Variants in ITPR1 observed in about 807,000 individuals in gnomAD.
ITPR1 encodes the protein inositol 1,4,5-trisphosphate receptor type 1, also known as inositol 1,4,5-trisphosphate-gated calcium channel ITPR1.
ITPR1 carries 96 observed loss-of-function variants against 318.4 expected under a neutral mutation model. The ratio of observed to expected loss-of-function variants is 0.30; its 90% CI spans 0.26 to 0.36. ITPR1 has a LOEUF of 0.36. ITPR1 is among the 10% of genes least tolerant of loss of function. ITPR1 has a pLI of 1.00. For missense variants in ITPR1, 2,440 were observed against 3,460.2 expected, an observed-to-expected ratio of 0.71 and a Z score of 7.40; for synonymous variants, 1,312 against 1,289.9, an observed-to-expected ratio of 1.02 and a Z score of -0.37.
chr3:4,735,647 T>G (rs924433971), intron 44 of ITPR1: 2 of 368,680 alleles, frequency 5.4e-6, no homozygotes, highest in Non-Finnish European at 9.9e-6. Flanking sequence ...CATAAATGTT[T>G]GTTGAATAAG....
At chr3:4,735,531 C>T (rs1431460442) in intron 44 of ITPR1, 177 bp downstream of exon 44, 3 of 580,650 alleles carry the variant, frequency 5.2e-6, no homozygotes, top group Non-Finnish European at 9.2e-6. Flanking sequence ...ATCATTTGGT[C>T]ATAAATCAGA....
Position 4,546,872 on chromosome 3 carries a change from T to C in ITPR1, c.163+25778T>C, listed in dbSNP as rs1007765257. On this transcript the variant is annotated intron_variant, in intron 4 of 61. Coordinates refer to ENST00000649015, the MANE Select transcript of ITPR1 (RefSeq NM_001378452.1). ...TGTGAAGAAGTGTGGGCTCATAAGA[T>C]AGGACCAGGGGAAGAGAGGGGCCAC... Among the ~76,000 whole-genome samples the C allele has an allele frequency of 4.7e-5, 7 of 147,434 alleles. No homozygotes were observed. The Admixed American group carries it at 4.9e-4, about 10-fold the overall frequency.
intron 60 of ITPR1, among the ~76,000 whole-genome samples, chr3:4,824,040 T>C (rs541660224): frequency 1.3e-5 from 2 of 152,270 alleles, no homozygotes; most frequent in Admixed American, 1.3e-4. Context: ...TCCATCTACA[T>C]TTCAGAAGGT....
At chr3:4,738,902 G>A (rs1159006222) in intron 44 of ITPR1, among the ~76,000 whole-genome samples, 1 of 151,838 alleles carries the variant, frequency 6.6e-6, no homozygotes, top group African/African-American at 2.4e-5. Context: ...ATGGAAGGGT[G>A]CGGGTGTGGC....
intron 28 of ITPR1, 67 bp downstream of exon 28, chr3:4,683,865 C>T (rs2094343899): frequency 1.4e-6 from 2 of 1,411,330 alleles, no homozygotes; most frequent in Non-Finnish European, 2.0e-6. Context: ...GGAGCATCCT[C>T]TTCTGGTTTT....
chr3:4,672,001 C>T (rs761003143), intron 20 of ITPR1, among the ~76,000 whole-genome samples: 22 of 152,140 alleles, frequency 1.4e-4, no homozygotes, highest in Non-Finnish European at 2.8e-4. Flanking sequence ...AATATATCTG[C>T]GTTAATAGAG....
chr3:4,586,385 G>A (rs1394049357), intron 4 of ITPR1, among the ~76,000 whole-genome samples: 1 of 152,168 alleles, frequency 6.6e-6, no homozygotes, highest in Non-Finnish European at 1.5e-5. Flanking sequence ...CATGCCCACA[G>A]CAACATGGTT....
chr3:4,655,438 A>G (rs1275455078), intron 12 of ITPR1, among the ~76,000 whole-genome samples: 1 of 152,102 alleles, frequency 6.6e-6, no homozygotes, highest in Non-Finnish European at 1.5e-5. Flanking sequence ...CCTACCATTT[A>G]TGAGCTGCTG....
At position 4,846,835 on chromosome 3, in the gene ITPR1, A is replaced by G. The variant is rs1015016573; in HGVS notation, c.*610A>G. ...CTCCTAGTGATAATGCTCCAAGTCT[A>G]TGAACTGTTAAATCAGCATTCATTT... On this transcript the variant is annotated 3_prime_UTR_variant, in exon 62 of 62. Transcript: ENST00000649015. 2.0e-5 allele frequency: 3 copies of G among 152,658 alleles called. No individual in the cohort carries two copies. Among genetic ancestry groups the G allele is most frequent in the East Asian group, 1.9e-4 (1 of 5,202 alleles). The allele number at this position is 152,658 out of a possible 1,614,324, so 9.5% of individuals were successfully genotyped here. A position where few individuals can be genotyped will look rare whatever the true frequency, so the allele number is the denominator to read the frequency against.
chr3:4,627,834 G>T lies in ITPR1; in HGVS notation c.235G>T (p.Gly79Trp). Residue 79 changes from glycine to tryptophan, a missense_variant, in exon 5 of 62, where the codon GGG becomes TGG. Gly to Trp is a radical substitution (Grantham distance 184). Transcript: ENST00000649015. ...QKQFWKAAKP[G>W]ANSTTDAVLL... ...GCAGTTCTGGAAAGCCGCTAAGCCT[G>T]GGGCCAACAGCACCACAGACGCAGT... 6.2e-7 allele frequency: 1 copy of T among 1,613,586 alleles called. No individual in the cohort carries two copies. Among genetic ancestry groups the T allele is most frequent in the Non-Finnish European group, 8.5e-7 (1 of 1,179,660 alleles).
chr3:4,659,407 G>A (rs376014182), intron 13 of ITPR1, among the ~76,000 whole-genome samples: 14 of 152,132 alleles, frequency 9.2e-5, no homozygotes, highest in Admixed American at 8.5e-4. Context: ...CAGGCCGGGC[G>A]CAGTGCCTCA....
chr3:4,788,669 C>G (rs2047358157), intron 52 of ITPR1, among the ~76,000 whole-genome samples: 1 of 152,230 alleles, frequency 6.6e-6, no homozygotes, highest in Non-Finnish European at 1.5e-5. Context: ...CCCAGCCAGT[C>G]AGGTGGAAAT....
In ITPR1 at chr3:4,642,177, T is replaced by C. The variant is rs2093352919; in HGVS notation, c.451T>C (p.Leu151=). The C allele has an allele frequency of 4.3e-6, 7 of 1,610,090 alleles. No individual in the cohort carries two copies. The highest frequency in any genetic ancestry group is 4.2e-6 in the Non-Finnish European group (5 of 1,177,912). ...GGAGAAGAATGCCATGAGAGTCACATTGGACGAGGCTGGAAATGAAGGGTC... is the reference window on the plus strand; with the variant it reads ...GGAGAAGAATGCCATGAGAGTCACACTGGACGAGGCTGGAAATGAAGGGTC... ...LLEKNAMRVT[L]DEAGNEGSWF... The change falls in exon 7 of 62, where the codon TTG becomes CTG. Residue 151 remains leucine (L), a synonymous_variant. Coordinates refer to ENST00000649015, the MANE Select transcript of ITPR1 (RefSeq NM_001378452.1).
chr3:4,502,181 G>A (rs541096707), intron 2 of ITPR1, among the ~76,000 whole-genome samples: 71 of 152,068 alleles, frequency 4.7e-4, no homozygotes, highest in East Asian at 1.7e-3. Context: ...CCCCACCCCC[G>A]TCTGTCCACC....
intron 4 of ITPR1, among the ~76,000 whole-genome samples, chr3:4,602,075 C>A (rs1055234194): frequency 8.5e-5 from 13 of 152,200 alleles, no homozygotes; most frequent in Non-Finnish European, 1.6e-4. Flanking sequence ...TGGCAACTCT[C>A]ACACATTGCT....
intron 44 of ITPR1, among the ~76,000 whole-genome samples, chr3:4,739,252 G>A (rs2043522781): frequency 6.6e-6 from 1 of 152,226 alleles, no homozygotes; most frequent in South Asian, 2.1e-4. Context: ...AATGATTGCT[G>A]AGATGCTTTG....
intron 4 of ITPR1, among the ~76,000 whole-genome samples, chr3:4,597,513 C>A (rs1243211096): frequency 6.6e-6 from 1 of 152,036 alleles, no homozygotes; most frequent in Admixed American, 6.6e-5. Context: ...AGAGGGAAGA[C>A]AAAAGGGTGT....
At chr3:4,822,612 C>G (rs2049802485) in intron 60 of ITPR1, among the ~76,000 whole-genome samples, 1 of 152,040 alleles carries the variant, frequency 6.6e-6, no homozygotes, top group Non-Finnish European at 1.5e-5. Flanking sequence ...GGGAGTGGAC[C>G]CTGAGTTCTG....
At chr3:4,572,798 A>T (rs1286855472) in intron 4 of ITPR1, among the ~76,000 whole-genome samples, 1 of 152,166 alleles carries the variant, frequency 6.6e-6, no homozygotes, top group African/African-American at 2.4e-5. Flanking sequence ...GTGTCTATGA[A>T]TTTGACTACT....
Sources: allele counts gnomAD v4.1 joint callset (sites outside exome capture counted in the v4.1 genomes callset), GRCh38; gene constraint gnomAD v4.1.1; transcripts MANE v1.5; gene names NCBI Gene and HGNC (gene_info 2026-07-23, HGNC 2026-07-21).